The following RHOC variants were observed in gnomAD, a reference collection of about 807,000 sequenced individuals.
RHOC encodes rho-related GTP-binding protein RhoC.
RHOC carries 13 observed loss-of-function variants against 19.5 expected under a neutral mutation model. That is an observed-to-expected ratio of 0.67 (90% CI 0.43 to 1.06). The LOEUF (loss-of-function observed/expected upper bound fraction) is 1.06, where lower values mean the gene tolerates loss of function less well. Ranked by LOEUF, RHOC falls within the 50% of genes least tolerant of loss-of-function variation. The pLI is 0.00. For synonymous variants in RHOC, 106 were observed against 97.3 expected, an observed-to-expected ratio of 1.09 and a Z score of -0.52; for missense variants, 173 against 256.9, an observed-to-expected ratio of 0.67 and a Z score of 2.23.
chr1:112,704,964 G>A, intron 2 of RHOC, 136 bp downstream of exon 2: 1 of 642,514 alleles, frequency 1.6e-6, no homozygotes, highest in Non-Finnish European at 2.9e-6. Context: ...ACCCCTCCCT[G>A]TGACTCAGGG....
chr1:112,701,601 G>T lies in RHOC; in HGVS notation c.521C>A (p.Ala174Asp). ...KEGVREVFEM[A>D]TRAGLQVRKN... ...GCGGACCTGGAGGCCAGCCCGAGTGGCCATCTCAAACACCTCCCGCACTCC... is the reference window on the plus strand; with the variant it reads ...GCGGACCTGGAGGCCAGCCCGAGTGTCCATCTCAAACACCTCCCGCACTCC... Residue 174 changes from alanine to aspartate, a missense_variant, in exon 6 of 6, where the codon GCC becomes GAC. Coordinates refer to ENST00000339083, the MANE Select transcript of RHOC (RefSeq NM_175744.5). 2 of 1,614,090 alleles carry T rather than the reference G, an allele frequency of 1.2e-6. No homozygotes were observed. The highest frequency in any genetic ancestry group is 1.7e-6 in the Non-Finnish European group (2 of 1,180,002).
intron 1 of RHOC, chr1:112,705,894 A>G: frequency 2.9e-6 from 1 of 343,620 alleles, no homozygotes; most frequent in South Asian, 2.2e-5. Context: ...TGGGAGGCAG[A>G]GGACAGAAAC....
Position 112,706,480 on chromosome 1 carries a change from A to ACCACACACACACACACACCCCCACAC in RHOC, c.-77+597_-77+598insGTGTGGGGGTGTGTGTGTGTGTGTGG, listed in dbSNP as rs1557780720. On this transcript the variant is annotated intron_variant, in intron 1 of 5. Coordinates refer to ENST00000339083, the MANE Select transcript of RHOC (RefSeq NM_175744.5). ...ACACACACACCACACACACACACAC[A>ACCACACACACACACACACCCCCACAC]CACACACACACACACACACACACAC... Among the ~76,000 whole-genome samples the ACCACACACACACACACACCCCCACAC allele has an allele frequency of 1.2e-3, 9 of 7,416 alleles. 1 individual carries two copies. In the South Asian group the frequency reaches 0.022, roughly 18 times the overall value. 4.9% of individuals were successfully genotyped at this position (7,416 alleles called of 152,430 possible). A position where few individuals can be genotyped will look rare whatever the true frequency, so the allele number is the denominator to read the frequency against.
At position 112,703,221 on chromosome 1, in the gene RHOC, T is replaced by C. The variant is rs558683693; in HGVS notation, c.157-102A>G. ...CTTCGGGCTCACTGAACTTCTTTAT[T>C]TGAGCACCTGCTATGCACCAGGCAT... On this transcript the variant is annotated intron_variant, in intron 3 of 5. Coordinates refer to ENST00000339083, the MANE Select transcript of RHOC (RefSeq NM_175744.5). The C allele has an allele frequency of 5.2e-5, 68 of 1,298,124 alleles. No homozygotes were observed. In the South Asian group the frequency reaches 5.3e-4, roughly 10 times the overall value. 80.4% of individuals were successfully genotyped at this position (1,298,124 alleles called of 1,614,324 possible). A position where few individuals can be genotyped will look rare whatever the true frequency, so the allele number is the denominator to read the frequency against.
Position 112,701,518 on chromosome 1 carries a change from T to G in RHOC, c.*22A>C. ...TGTACCCCTGTGAAGGGAGGGGGCA[T>G]GTAGGAAAGGCCTTGGGGATCTCAG... is the stretch of plus-strand genomic sequence containing the variant. On this transcript the variant is annotated 3_prime_UTR_variant, in exon 6 of 6. Transcript: ENST00000339083. The G allele has an allele frequency of 6.2e-7, 1 of 1,614,062 alleles. No homozygotes were observed. The highest frequency in any genetic ancestry group is 8.5e-7 in the Non-Finnish European group (1 of 1,179,970).
chr1:112,707,214 T>TGGCTC (rs1674927277), upstream of RHOC: 2 of 149,950 alleles, frequency 1.3e-5, no homozygotes, highest in South Asian at 4.2e-4. Context: ...GGGCGGCCCT[T>TGGCTC]GGCTCGGCCC....
At position 112,701,448 on chromosome 1, in the gene RHOC, C is replaced by T. The variant is rs1674624919; in HGVS notation, c.*92G>A. ...GGAGGGAACTGAAAATGGGAGCCTT[C>T]AGCATGGAGCCCTCAGGAGGCTGGG... is the stretch of plus-strand genomic sequence containing the variant. On this transcript the variant is annotated 3_prime_UTR_variant, in exon 6 of 6. Transcript: ENST00000339083. 1 of 1,612,396 alleles carries T rather than the reference C, an allele frequency of 6.2e-7. No homozygotes were observed. The highest frequency in any genetic ancestry group is 1.3e-5 in the African/African-American group (1 of 74,880).
intron 1 of RHOC, among the ~76,000 whole-genome samples, chr1:112,706,496 A>ACCCCCACACCACACACACC (rs1557780845): frequency 2.4e-5 from 1 of 40,924 alleles, no homozygotes; most frequent in Non-Finnish European, 5.7e-5. Flanking sequence ...ACACACACAC[A>ACCCCCACACCACACACACC]CACACACACA....
chr1:112,701,541 C>CA lies in RHOC; in HGVS notation c.580dup (p.Ter194LeufsTer131). The CA allele has an allele frequency of 2.5e-6, 4 of 1,614,106 alleles. No homozygotes were observed. The highest frequency in any genetic ancestry group is 3.4e-6 in the Non-Finnish European group (4 of 1,179,992). On this transcript the variant is annotated frameshift_variant and stop_lost, in exon 6 of 6. Coordinates refer to ENST00000339083, the MANE Select transcript of RHOC (RefSeq NM_175744.5). LOFTEE classifies it high-confidence loss of function. ...CATGTAGGAAAGGCCTTGGGGATCT[C>CA]AGAGAATGGGACAGCCCCTCCGACG...
At chr1:112,701,959 TGA>T (rs1393705401) in intron 5 of RHOC, among the ~76,000 whole-genome samples, 1 of 152,112 alleles carries the variant, frequency 6.6e-6, no homozygotes, top group African/African-American at 2.4e-5. Context: ...CTTGCCTGAA[TGA>T]GCGTCTCCCA....
intron 3 of RHOC, 109 bp from the exon 4 acceptor site, chr1:112,703,228 C>A (rs1263266987): frequency 8.3e-7 from 1 of 1,200,470 alleles, no homozygotes; most frequent in Non-Finnish European, 1.2e-6. Flanking sequence ...TATTTGAGCA[C>A]CTGCTATGCA....
intron 3 of RHOC, 80 bp from the exon 4 acceptor site, chr1:112,703,199 C>T (rs112154262): frequency 1.3e-4 from 198 of 1,540,450 alleles, no homozygotes; most frequent in African/African-American, 2.6e-4. Flanking sequence ...CACTGTCCTT[C>T]GGGCTCACTG....
intron 5 of RHOC, 109 bp downstream of exon 5, chr1:112,702,454 G>C: frequency 8.2e-7 from 1 of 1,218,474 alleles, no homozygotes; most frequent in Non-Finnish European, 1.2e-6. Context: ...AGATATTACT[G>C]TTTCCCCTAA....
At chr1:112,702,799 G>T (rs1674701657) in intron 4 of RHOC, 106 bp from the exon 5 acceptor site, 12 of 1,481,688 alleles carry the variant, frequency 8.1e-6, no homozygotes, top group Non-Finnish European at 1.1e-5. Context: ...CATTCAGCAT[G>T]ATGGTCCCTT....
At chr1:112,703,847 T>G in intron 2 of RHOC, 41 bp from the exon 3 acceptor site, 1 of 1,577,612 alleles carries the variant, frequency 6.3e-7, no homozygotes, top group East Asian at 2.3e-5. Context: ...GAAAAGCCAT[T>G]AAGTCCAAAA....
Position 112,703,633 on chromosome 1 carries a change from T to G in RHOC, c.156+11A>C. 6.2e-7 allele frequency: 1 copy of G among 1,609,490 alleles called. No individual in the cohort carries two copies. Among genetic ancestry groups the G allele is most frequent in the Admixed American group, 1.7e-5 (1 of 59,814 alleles). The stretch of plus-strand genomic sequence containing the variant: ...CTCAGGGTGGGGTGGGAAGGGCATT[T>G]CTGCCTTCACCTGCTTGCCGTCCAC... On this transcript the variant is annotated intron_variant, in intron 3 of 5. Transcript: ENST00000339083.
chr1:112,702,731 C>G (rs2245013), intron 4 of RHOC, 38 bp from the exon 5 acceptor site: 1 of 1,612,516 alleles, frequency 6.2e-7, no homozygotes, highest in Non-Finnish European at 8.5e-7. Context: ...GGTGCCTCCA[C>G]TTAAGCTAGA....
intron 2 of RHOC, among the ~76,000 whole-genome samples, 164 bp from the exon 3 acceptor site, chr1:112,703,970 G>C (rs577166391): frequency 6.6e-6 from 1 of 152,238 alleles, no homozygotes; most frequent in Non-Finnish European, 1.5e-5. Context: ...AACAGAGCTT[G>C]AAATTCCTAA....
At chr1:112,706,464 C>CACACACACACCACA (rs71084488) in intron 1 of RHOC, among the ~76,000 whole-genome samples, 1 of 23,044 alleles carries the variant, frequency 4.3e-5, no homozygotes, top group Admixed American at 4.0e-4. Flanking sequence ...CACACACACA[C>CACACACACACCACA]CACACACACA....
Sources: gnomAD v4.1 joint callset for allele counts (sites outside exome capture counted in the v4.1 genomes callset) on GRCh38, gnomAD v4.1.1 for gene constraint, MANE v1.5 for transcripts, NCBI Gene and HGNC (gene_info 2026-07-23, HGNC 2026-07-21) for gene names.